Variants in TSPAN18 observed in about 807,000 individuals in gnomAD.
The protein encoded by TSPAN18 is tetraspanin 18, also known as tetraspanin-18.
In TSPAN18, 14 loss-of-function variants were observed where a neutral mutation model predicts 27.3. The ratio of observed to expected loss-of-function variants is 0.51; its 90% CI spans 0.34 to 0.80. TSPAN18 has a LOEUF of 0.80. Among genes scored for constraint, TSPAN18 ranks in the 30% least tolerant of loss-of-function variants. TSPAN18 has a pLI of 0.01. For missense variants in TSPAN18, 268 were observed against 323.9 expected (o/e 0.83, Z 1.32); for synonymous variants, 143 against 136.5 (o/e 1.05, Z -0.33).
intron 2 of TSPAN18, among the ~76,000 whole-genome samples, chr11:44,783,544 A>G (rs1855988449): frequency 6.6e-6 from 1 of 151,710 alleles, no homozygotes; most frequent in African/African-American, 2.4e-5. Context: ...GACTATAGAC[A>G]CGTACCACCA....
intron 5 of TSPAN18, among the ~76,000 whole-genome samples, chr11:44,914,813 G>GT (rs1859846507): frequency 6.6e-6 from 1 of 152,212 alleles, no homozygotes; most frequent in Non-Finnish European, 1.5e-5. Flanking sequence ...GATCCGCAGT[G>GT]TCTGGGTAGC....
intron 3 of TSPAN18, among the ~76,000 whole-genome samples, chr11:44,900,623 A>G (rs1325991052): frequency 1.5e-5 from 2 of 137,586 alleles, no homozygotes. Context: ...GGTTACTATT[A>G]TTAGCTACCA....
chr11:44,917,913 G>A lies in TSPAN18; in HGVS notation c.259-59G>A, dbSNP rs577204416. 183 of 1,551,286 alleles carry A rather than the reference G, an allele frequency of 1.2e-4. 2 individuals are homozygous for A. The South Asian group carries it at 2.0e-3, about 17-fold the overall frequency. ...GACAGATGGACGGATGCATTGGCCA[G>A]TGGCCGCCCCATCCCCTGCCTGCCC... On this transcript the variant is annotated intron_variant, in intron 5 of 9. Transcript: ENST00000520358.
chr11:44,848,826 G>A (rs1031257436), intron 2 of TSPAN18, among the ~76,000 whole-genome samples: 2 of 152,200 alleles, frequency 1.3e-5, no homozygotes, highest in Non-Finnish European at 2.9e-5. Flanking sequence ...TTTGCCTAGG[G>A]GAGGTCTCTA....
rs72895455 is a variant in TSPAN18 at position 44,789,456 on chromosome 11, A to G, written c.-153+24944A>G. On this transcript the variant is annotated intron_variant, in intron 2 of 9. Transcript: ENST00000520358. ...CTGTGTGTCTTAGGACAAGTTCCTT[A>G]ATGTCTCTGAGCCCCAGTTTCCACA... Among the ~76,000 whole-genome samples, 1,143 of 152,316 alleles carry G rather than the reference A, an allele frequency of 7.5e-3. 8 individuals are homozygous for G. Among genetic ancestry groups the G allele is most frequent in the Non-Finnish European group, 9.7e-3 (660 of 68,028 alleles).
At chr11:44,839,336 G>A (rs913299158) in intron 2 of TSPAN18, among the ~76,000 whole-genome samples, 4 of 152,210 alleles carry the variant, frequency 2.6e-5, no homozygotes, top group Non-Finnish European at 1.5e-5. Flanking sequence ...TGCAAAAAGA[G>A]AAACCATTTC....
intron 5 of TSPAN18, among the ~76,000 whole-genome samples, chr11:44,912,816 A>G (rs939306042): frequency 4.7e-5 from 7 of 149,690 alleles, no homozygotes; most frequent in East Asian, 2.0e-4. Context: ...TTATACGTGC[A>G]TGGGCGTTAC....
chr11:44,872,785 G>A (rs1459165475), intron 3 of TSPAN18, among the ~76,000 whole-genome samples: 1 of 152,218 alleles, frequency 6.6e-6, no homozygotes, highest in East Asian at 1.9e-4. Context: ...CAGCCATCAA[G>A]TGCCTAGTAA....
At chr11:44,855,929 C>A (rs1463616288) in intron 2 of TSPAN18, among the ~76,000 whole-genome samples, 1 of 151,980 alleles carries the variant, frequency 6.6e-6, no homozygotes, top group Non-Finnish European at 1.5e-5. Context: ...GTCACCCAGG[C>A]TGGAGTGCAG....
Position 44,930,980 on chromosome 11 carries a change from C to G in TSPAN18, c.*1802C>G. The G allele has an allele frequency of 2.1e-6, 1 of 480,732 alleles. No homozygotes were observed. Among genetic ancestry groups the G allele is most frequent in the South Asian group, 1.5e-5 (1 of 65,218 alleles). The allele number at this position is 480,732 out of a possible 1,614,324, so 29.8% of individuals were successfully genotyped here. ...GCCACAGCCTAGAGCCCCGTGTTCC[C>G]TGGCCTGTGCGTCTGCCCCCTTCTG... On this transcript the variant is annotated 3_prime_UTR_variant, in exon 10 of 10. Coordinates refer to ENST00000520358, the MANE Select transcript of TSPAN18 (RefSeq NM_130783.5).
At chr11:44,846,602 GTGTT>G (rs1857489241) in intron 2 of TSPAN18, among the ~76,000 whole-genome samples, 1 of 152,022 alleles carries the variant, frequency 6.6e-6, no homozygotes, top group Non-Finnish European at 1.5e-5. Context: ...CTGTGTGTGT[GTGTT>G]TGTGTGTGTG....
intron 2 of TSPAN18, among the ~76,000 whole-genome samples, chr11:44,824,940 C>G (rs1194139597): frequency 6.6e-6 from 1 of 152,218 alleles, no homozygotes; most frequent in African/African-American, 2.4e-5. Flanking sequence ...TCAGCTCATC[C>G]TTGTCCTCCC....
At chr11:44,912,717 GTGTT>G (rs1394327947) in intron 5 of TSPAN18, among the ~76,000 whole-genome samples, 7 of 150,598 alleles carry the variant, frequency 4.6e-5, no homozygotes, top group Non-Finnish European at 7.3e-5. Flanking sequence ...TCTATCGTGT[GTGTT>G]TGTGTGTACA....
At chr11:44,808,834 T>G (rs746008159) in intron 2 of TSPAN18, among the ~76,000 whole-genome samples, 2 of 152,210 alleles carry the variant, frequency 1.3e-5, no homozygotes, top group Non-Finnish European at 2.9e-5. Flanking sequence ...AAGATTTGCA[T>G]TTCCACATGG....
Position 44,763,542 on chromosome 11 carries a change from G to A in TSPAN18, c.-239-884G>A, listed in dbSNP as rs181755504. On this transcript the variant is annotated intron_variant, in intron 1 of 9. Transcript: ENST00000520358. ...TTCATGGATAGCAGATCTTGAAAGT[G>A]TTGGGTCTGCCCAAAGAGCCTGTAT... Among the ~76,000 whole-genome samples the A allele has an allele frequency of 5.4e-4, 82 of 152,262 alleles. 1 individual carries two copies. Among genetic ancestry groups the A allele is most frequent in the African/African-American group, 1.9e-3 (80 of 41,556 alleles).
At chr11:44,807,527 CAAAAAAAAAAAAAA>C (rs59241339) in intron 2 of TSPAN18, among the ~76,000 whole-genome samples, 2 of 64,482 alleles carry the variant, frequency 3.1e-5, no homozygotes, top group African/African-American at 7.5e-5. Context: ...AACTCCATCT[CAAAAAAAAAAAAAA>C]AAAAAAAAAA....
chr11:44,844,329 G>C (rs1458024418), intron 2 of TSPAN18, among the ~76,000 whole-genome samples: 1 of 152,008 alleles, frequency 6.6e-6, no homozygotes, highest in East Asian at 1.9e-4. Flanking sequence ...TCTAGTCCAT[G>C]TCTTTTAGTG....
chr11:44,901,227 G>A (rs1859252520), intron 3 of TSPAN18: 1 of 152,186 alleles, frequency 6.6e-6, no homozygotes. Context: ...CACCTTTGAG[G>A]TTGTGGGAGG....
At chr11:44,776,553 C>G (rs1287212556) in intron 2 of TSPAN18, among the ~76,000 whole-genome samples, 1 of 152,186 alleles carries the variant, frequency 6.6e-6, no homozygotes, top group African/African-American at 2.4e-5. Flanking sequence ...AAGAAATCAA[C>G]ATACCAGTGC....
Sources: allele counts gnomAD v4.1 joint callset (sites outside exome capture counted in the v4.1 genomes callset), GRCh38; gene constraint gnomAD v4.1.1; transcripts MANE v1.5; gene names NCBI Gene and HGNC (gene_info 2026-07-23, HGNC 2026-07-21).